The following IFT80 variants were observed in gnomAD, a reference collection of about 807,000 sequenced individuals.
The protein encoded by IFT80 is intraflagellar transport 80.
IFT80 carries 79 observed loss-of-function variants against 107.9 expected under a neutral mutation model. The observed-to-expected ratio is 0.73, with a 90% CI of 0.61 to 0.88. IFT80 has a LOEUF of 0.88. IFT80 is among the 40% of genes least tolerant of loss of function. The probability of loss-of-function intolerance (pLI) is 0.00; values close to 1 mark genes in which losing one functional copy is unlikely to be tolerated. For missense variants in IFT80, 797 were observed against 914.2 expected (o/e 0.87, Z 1.65); for synonymous variants, 299 against 300.9 (o/e 0.99, Z 0.07).
At chr3:160,325,345 G>A (rs931721203) in intron 8 of IFT80, among the ~76,000 whole-genome samples, 1 of 151,898 alleles carries the variant, frequency 6.6e-6, no homozygotes, top group African/African-American at 2.4e-5. Flanking sequence ...CCTAAAGTAT[G>A]GTTTTAAAAC....
At chr3:160,295,754 C>T (rs1215572757) in intron 12 of IFT80, among the ~76,000 whole-genome samples, 1 of 152,118 alleles carries the variant, frequency 6.6e-6, no homozygotes, top group East Asian at 1.9e-4. Context: ...CCTAAATATC[C>T]ATTGACAGAT....
At chr3:160,309,097 A>G (rs1717033965) in intron 9 of IFT80, among the ~76,000 whole-genome samples, 1 of 152,214 alleles carries the variant, frequency 6.6e-6, no homozygotes, top group Admixed American at 6.5e-5. Context: ...CACAAACAGA[A>G]TAAACAGGTA....
intron 2 of IFT80, chr3:160,384,182 G>T (rs1712748235): frequency 1.1e-5 from 2 of 186,076 alleles, no homozygotes; most frequent in Admixed American, 6.8e-5. Context: ...GAGGTAGAGG[G>T]TTGCAGTGAG....
At position 160,377,531 on chromosome 3, in the gene IFT80, T is replaced by C. The variant is rs762134619; in HGVS notation, c.269A>G (p.His90Arg). Residue 90 changes from histidine to arginine, a missense_variant, in exon 4 of 20, where the codon CAT becomes CGT. His to Arg is a conservative substitution (Grantham distance 29). Coordinates refer to ENST00000326448, the MANE Select transcript of IFT80 (RefSeq NM_020800.3). ...CACTCTTCCTAACTTGGAAATCAGA[T>C]GAAATTTACCTGAAAGAAATTACAT... ...FVLTSSDGKF[H>R]LISKLGRVEK... The C allele has an allele frequency of 3.1e-6, 5 of 1,589,480 alleles. No individual in the cohort carries two copies. The highest frequency in any genetic ancestry group is 1.7e-5 in the Admixed American group (1 of 59,714).
At chr3:160,398,305 G>C (rs1415328240) in intron 1 of IFT80, among the ~76,000 whole-genome samples, 2 of 152,036 alleles carry the variant, frequency 1.3e-5, no homozygotes, top group African/African-American at 2.4e-5. Flanking sequence ...TTCCAGGGAA[G>C]AACCATAATG....
At chr3:160,349,586 T>A (rs77953044) in intron 8 of IFT80, among the ~76,000 whole-genome samples, 1,894 of 152,270 alleles carry the variant, frequency 0.012, 39 homozygotes, top group African/African-American at 0.042. Flanking sequence ...CTTATATATC[T>A]GATATTGAAA....
At chr3:160,273,357 T>G (rs1227529824) in intron 18 of IFT80, among the ~76,000 whole-genome samples, 1 of 152,090 alleles carries the variant, frequency 6.6e-6, no homozygotes, top group East Asian at 1.9e-4. Context: ...AAGATCACTA[T>G]GACTGCAGAG....
intron 8 of IFT80, among the ~76,000 whole-genome samples, chr3:160,345,672 C>T (rs973674564): frequency 5.0e-5 from 6 of 119,402 alleles, no homozygotes; most frequent in Admixed American, 3.5e-4. Context: ...CCAGCCTTGG[C>T]GAGAGAGCAA....
At chr3:160,365,982 T>A in intron 6 of IFT80, 61 bp downstream of exon 6, 1 of 1,224,620 alleles carries the variant, frequency 8.2e-7, no homozygotes, top group Non-Finnish European at 1.2e-6. Flanking sequence ...CCTAAGCAAG[T>A]GCCCTCTAGT....
chr3:160,371,860 G>A (rs749294222), intron 5 of IFT80, among the ~76,000 whole-genome samples: 100 of 152,262 alleles, frequency 6.6e-4, no homozygotes, highest in Admixed American at 6.5e-4. Context: ...TTAAAGGTTT[G>A]CAGCATTACT....
chr3:160,373,580 A>T (rs1711723729), intron 5 of IFT80: 1 of 158,158 alleles, frequency 6.3e-6, no homozygotes, highest in Non-Finnish European at 1.4e-5. Flanking sequence ...CTATTATTAC[A>T]TTGTAATATA....
intron 1 of IFT80, among the ~76,000 whole-genome samples, chr3:160,389,301 T>C (rs1324556575): frequency 1.3e-5 from 2 of 152,172 alleles, no homozygotes; most frequent in African/African-American, 2.4e-5. Context: ...AAAATGGTGA[T>C]TGAAATCATC....
intron 8 of IFT80, among the ~76,000 whole-genome samples, chr3:160,330,180 T>TA (rs1335449855): frequency 6.6e-6 from 1 of 152,196 alleles, no homozygotes; most frequent in Non-Finnish European, 1.5e-5. Context: ...TTAGAAACTT[T>TA]AAAACAAAAG....
rs758177061 is a variant in IFT80, at chr3:160,381,573, G to A, written c.189C>T (p.His63=). 1.6e-5 allele frequency: 26 copies of A among 1,613,654 alleles called. No homozygotes were observed. The East Asian group carries it at 5.4e-4, about 33-fold the overall frequency. The change falls in exon 3 of 20, where the codon CAC becomes CAT. Residue 63 remains histidine (H), a synonymous_variant. Transcript: ENST00000326448. The part of the protein sequence containing the change: ...LPDDIYPIDF[H]WFPKSLGVKK... ...TTACACCCAAACTTTTTGGAAACCA[G>A]TGAAAATCAATAGGGTAAATATCAT...
At position 160,258,561 on chromosome 3, in the gene IFT80, G is replaced by A. The variant is rs1324092695; in HGVS notation, c.2298C>T (p.Ser766=). The change falls in exon 20 of 20, where the codon AGC becomes AGT. Residue 766 remains serine, a synonymous_variant. Transcript: ENST00000326448. ...EITKEREQSS[S]SQSSKSIGLK... ...AACCTATACTCTTGCTGGATTGGCT[G>A]CTTGATGATTGCTCTCTTTCTTTTG... The A allele has an allele frequency of 1.2e-6, 2 of 1,613,522 alleles. No individual in the cohort carries two copies. Among genetic ancestry groups the A allele is most frequent in the Non-Finnish European group, 1.7e-6 (2 of 1,179,954 alleles).
chr3:160,325,087 C>T (rs537980554), intron 8 of IFT80, among the ~76,000 whole-genome samples: 1 of 151,528 alleles, frequency 6.6e-6, no homozygotes, highest in East Asian at 1.9e-4. Context: ...CGTGAAGGAC[C>T]TCTTCAAGGA....
chr3:160,321,645 A>C (rs186921388), intron 8 of IFT80, among the ~76,000 whole-genome samples: 30 of 151,880 alleles, frequency 2.0e-4, no homozygotes, highest in African/African-American at 7.2e-4. Flanking sequence ...ACAATGTCTA[A>C]TAATACAATA....
intron 8 of IFT80, among the ~76,000 whole-genome samples, chr3:160,339,745 G>C (rs1417705702): frequency 1.3e-5 from 2 of 152,192 alleles, no homozygotes; most frequent in Admixed American, 1.3e-4. Context: ...GGACACAAAA[G>C]TGTTCTGTAT....
At position 160,375,897 on chromosome 3, in the gene IFT80, A is replaced by C. The variant is rs1213100644; in HGVS notation, c.371-17T>G. 6.5e-7 allele frequency: 1 copy of C among 1,535,400 alleles called. No homozygotes were observed. Among genetic ancestry groups the C allele is most frequent in the South Asian group, 1.1e-5 (1 of 88,834 alleles). On this transcript the variant is annotated splice_polypyrimidine_tract_variant and intron_variant, in intron 4 of 19. Transcript: ENST00000326448. ...CTTCTCCAACTATACAGGGAAAAAA[A>C]AATTAATCAGTATTTTTACCTATAG...
Sources: gnomAD v4.1 joint callset for allele counts (sites outside exome capture counted in the v4.1 genomes callset) on GRCh38, gnomAD v4.1.1 for gene constraint, MANE v1.5 for transcripts, NCBI Gene and HGNC (gene_info 2026-07-23, HGNC 2026-07-21) for gene names.